GPR39: variants seen among roughly 807,000 people sequenced by gnomAD.
The protein encoded by GPR39 is zinc sensing receptor.
Under a neutral mutation model 18.4 loss-of-function variants are expected in GPR39, and 23 were observed. The observed-to-expected ratio is 1.25, with a 90% CI of 0.90 to 1.77. The LOEUF (loss-of-function observed/expected upper bound fraction) is 1.77, where lower values mean the gene tolerates loss of function less well. GPR39 is among the 40% of genes most tolerant of loss of function. GPR39 has a pLI of 0.00. For synonymous variants in GPR39, 280 were observed against 257.9 expected, an observed-to-expected ratio of 1.09 and a Z score of -0.82; for missense variants, 647 against 602.4, an observed-to-expected ratio of 1.07 and a Z score of -0.78.
In GPR39 at chr2:132,461,128, G is replaced by A. The variant is rs143100941; in HGVS notation, c.856+43230G>A. ...TGGTAATGCTTGCCCTAGAATAATC[G>A]TATAAGACCCTTGTGGGTAGTATTC... On this transcript the variant is annotated intron_variant, in intron 1 of 1. Coordinates refer to ENST00000329321, the MANE Select transcript of GPR39 (RefSeq NM_001508.3). 1.7e-4 allele frequency among the ~76,000 whole-genome samples: 26 copies of A among 152,272 alleles called. No homozygotes were observed. In the East Asian group the frequency reaches 4.3e-3, roughly 25 times the overall value.
intron 1 of GPR39, among the ~76,000 whole-genome samples, chr2:132,590,536 T>A (rs1033561620): frequency 4.0e-5 from 6 of 151,856 alleles, no homozygotes; most frequent in Non-Finnish European, 8.8e-5. Flanking sequence ...TACTAGTATT[T>A]GATTCAAAGC....
intron 1 of GPR39, among the ~76,000 whole-genome samples, chr2:132,589,358 T>C (rs1680788650): frequency 6.6e-6 from 1 of 152,232 alleles, no homozygotes; most frequent in African/African-American, 2.4e-5. Context: ...GGGGACAGGA[T>C]ACATAATGAG....
At chr2:132,632,029 T>C (rs963555754) in intron 1 of GPR39, among the ~76,000 whole-genome samples, 6 of 152,032 alleles carry the variant, frequency 3.9e-5, no homozygotes, top group African/African-American at 9.7e-5. Flanking sequence ...CCATATTGGC[T>C]GGGCTGTTCT....
chr2:132,458,213 C>T (rs1446681811), intron 1 of GPR39, among the ~76,000 whole-genome samples: 1 of 152,186 alleles, frequency 6.6e-6, no homozygotes, highest in African/African-American at 2.4e-5. Flanking sequence ...TCTTCTGCAT[C>T]AGTCATGCTG....
At chr2:132,520,215 C>T (rs1301445964) in intron 1 of GPR39, among the ~76,000 whole-genome samples, 1 of 152,188 alleles carries the variant, frequency 6.6e-6, no homozygotes, top group African/African-American at 2.4e-5. Flanking sequence ...TTTACCTCCT[C>T]CAGGAAGCTT....
chr2:132,485,352 G>A (rs955263898), intron 1 of GPR39, among the ~76,000 whole-genome samples: 3 of 152,138 alleles, frequency 2.0e-5, no homozygotes, highest in Admixed American at 6.5e-5. Flanking sequence ...AGTGGTTGCT[G>A]ACAGTTAGGG....
chr2:132,492,528 C>CAT (rs1207758714), intron 1 of GPR39, among the ~76,000 whole-genome samples: 2 of 129,186 alleles, frequency 1.5e-5, no homozygotes, highest in South Asian at 2.5e-4. Context: ...ATATATACAC[C>CAT]ATATATATAC....
intron 1 of GPR39, among the ~76,000 whole-genome samples, chr2:132,553,274 C>T (rs957306041): frequency 1.3e-5 from 2 of 150,992 alleles, no homozygotes; most frequent in African/African-American, 2.4e-5. Context: ...CAATCCCCCT[C>T]CCCTCACGGA....
At chr2:132,503,492 C>A (rs984880246) in intron 1 of GPR39, among the ~76,000 whole-genome samples, 2 of 152,190 alleles carry the variant, frequency 1.3e-5, no homozygotes, top group African/African-American at 4.8e-5. Context: ...ATGAAGTGGA[C>A]TCTGTGTGAG....
intron 1 of GPR39, among the ~76,000 whole-genome samples, chr2:132,610,213 G>A (rs1204180063): frequency 6.6e-6 from 1 of 152,052 alleles, no homozygotes; most frequent in African/African-American, 2.4e-5. Flanking sequence ...ATACTTACAT[G>A]CTTCTGGTGG....
At chr2:132,419,421 G>A (rs1314207794) in intron 1 of GPR39, among the ~76,000 whole-genome samples, 2 of 152,220 alleles carry the variant, frequency 1.3e-5, no homozygotes, top group African/African-American at 2.4e-5. Flanking sequence ...TTTCACAGGC[G>A]TGTGGTGAAA....
intron 1 of GPR39, among the ~76,000 whole-genome samples, chr2:132,517,397 G>A (rs1558823669): frequency 6.6e-6 from 1 of 152,170 alleles, no homozygotes; most frequent in East Asian, 1.9e-4. Context: ...TCTTGCCAAG[G>A]TTGTAGTTTA....
At chr2:132,419,176 T>C (rs980247117) in intron 1 of GPR39, among the ~76,000 whole-genome samples, 1 of 152,250 alleles carries the variant, frequency 6.6e-6, no homozygotes, top group African/African-American at 2.4e-5. Flanking sequence ...CCCAGGGAGC[T>C]GGGCTTTGAG....
At chr2:132,428,296 T>C (rs1203814155) in intron 1 of GPR39, among the ~76,000 whole-genome samples, 1 of 152,214 alleles carries the variant, frequency 6.6e-6, no homozygotes, top group Non-Finnish European at 1.5e-5. Flanking sequence ...TAAGTTGTGC[T>C]TAACATCGTT....
At chr2:132,542,974 A>G (rs1679887377) in intron 1 of GPR39, among the ~76,000 whole-genome samples, 1 of 152,106 alleles carries the variant, frequency 6.6e-6, no homozygotes, top group African/African-American at 2.4e-5. Context: ...CCTTCTTCCT[A>G]ATCATTCTAA....
chr2:132,510,491 G>A (rs2315594), intron 1 of GPR39, among the ~76,000 whole-genome samples: 142,837 of 152,142 alleles, frequency 0.94, 67,676 homozygotes, highest in Non-Finnish European at 1. Context: ...AGGACATACT[G>A]TTTTTCAGGG....
At chr2:132,603,492 A>T (rs1224231076) in intron 1 of GPR39, among the ~76,000 whole-genome samples, 2 of 152,066 alleles carry the variant, frequency 1.3e-5, no homozygotes, top group Non-Finnish European at 2.9e-5. Flanking sequence ...GATATATCGT[A>T]TGTTTTCAAC....
At chr2:132,534,958 G>T (rs537156878) in intron 1 of GPR39, among the ~76,000 whole-genome samples, 25 of 151,450 alleles carry the variant, frequency 1.7e-4, no homozygotes, top group Non-Finnish European at 2.1e-4. Flanking sequence ...CCTGGACGTT[G>T]TGCACATGTA....
At chr2:132,465,930 A>AT (rs1199567827) in intron 1 of GPR39, among the ~76,000 whole-genome samples, 1 of 152,156 alleles carries the variant, frequency 6.6e-6, no homozygotes, top group African/African-American at 2.4e-5. Context: ...AATATGATAT[A>AT]TTTTTATTTT....
Sources: allele counts gnomAD v4.1 joint callset (sites outside exome capture counted in the v4.1 genomes callset), GRCh38; gene constraint gnomAD v4.1.1; transcripts MANE v1.5; gene names NCBI Gene and HGNC (gene_info 2026-07-23, HGNC 2026-07-21).